SYNDIG1L: variants seen among roughly 807,000 people sequenced by gnomAD.
The protein encoded by SYNDIG1L is synapse differentiation inducing 1 like.
SYNDIG1L carries 13 observed loss-of-function variants against 20.1 expected under a neutral mutation model. The observed-to-expected ratio is 0.65, with a 90% CI of 0.42 to 1.03. The LOEUF (loss-of-function observed/expected upper bound fraction) is 1.03. Ranked by LOEUF, SYNDIG1L falls within the 50% of genes least tolerant of loss-of-function variation. The pLI, the probability that SYNDIG1L is intolerant of heterozygous loss-of-function variation, is 0.00. For missense variants in SYNDIG1L, 294 were observed against 305.1 expected, an observed-to-expected ratio of 0.96 and a Z score of 0.27; for synonymous variants, 128 against 129.3, an observed-to-expected ratio of 0.99 and a Z score of 0.07.
chr14:74,429,366 C>A (rs530457110), upstream of SYNDIG1L, among the ~76,000 whole-genome samples: 3 of 152,212 alleles, frequency 2.0e-5, no homozygotes, highest in South Asian at 2.1e-4. Context: ...GAGTCAGCTC[C>A]GGCTGCTAAT....
chr14:74,448,679 G>A, the SYNDIG1L span, among the ~76,000 whole-genome samples: 2 of 152,282 alleles, frequency 1.3e-5, no homozygotes, highest in African/African-American at 4.8e-5. Flanking sequence ...CATATAAAGT[G>A]TGTTCTCTGA....
At chr14:74,458,649 A>G in the SYNDIG1L span, among the ~76,000 whole-genome samples, 1 of 151,002 alleles carries the variant, frequency 6.6e-6, no homozygotes, top group African/African-American at 2.5e-5. Flanking sequence ...AGTGCTGTGC[A>G]AATACTAGTT....
chr14:74,448,089 A>G, the SYNDIG1L span, among the ~76,000 whole-genome samples: 10 of 152,158 alleles, frequency 6.6e-5, no homozygotes, highest in African/African-American at 2.4e-4. Flanking sequence ...AGAAGAGAAG[A>G]AAAGGGAATA....
At chr14:74,436,623 C>T in the SYNDIG1L span, among the ~76,000 whole-genome samples, 5 of 151,728 alleles carry the variant, frequency 3.3e-5, no homozygotes, top group Admixed American at 1.3e-4. Flanking sequence ...CCGAGGCGGG[C>T]GGATCTTCTG....
At chr14:74,464,941 C>T in the SYNDIG1L span, among the ~76,000 whole-genome samples, 5 of 152,220 alleles carry the variant, frequency 3.3e-5, no homozygotes, top group Non-Finnish European at 7.3e-5. Context: ...CCCCGCACCC[C>T]ACCCTTCCAT....
chr14:74,433,748 G>GA, the SYNDIG1L span, among the ~76,000 whole-genome samples: 1 of 152,142 alleles, frequency 6.6e-6, no homozygotes, highest in Non-Finnish European at 1.5e-5. Context: ...ATGCAGATGT[G>GA]AAAACTGGGA....
At chr14:74,414,780 TAAC>T (rs2086161502) in intron 1 of SYNDIG1L, among the ~76,000 whole-genome samples, 1 of 152,136 alleles carries the variant, frequency 6.6e-6, no homozygotes, top group African/African-American at 2.4e-5. Flanking sequence ...GGTAATAGAA[TAAC>T]AACAGGATAG....
In SYNDIG1L at chr14:74,413,856, G is replaced by GCTGCAT. The variant is rs146286126; in HGVS notation, c.-57-4061_-57-4056dup. Among the ~76,000 whole-genome samples, 635 of 152,198 alleles carry GCTGCAT rather than the reference G, an allele frequency of 4.2e-3. 9 individuals carry two copies. The highest frequency in any genetic ancestry group is 0.015 in the African/African-American group (607 of 41,530). On this transcript the variant is annotated intron_variant, in intron 1 of 3. Transcript: ENST00000331628. The stretch of plus-strand genomic sequence containing the variant: ...CATAAAGCAATCTGAGTTAGCAGCA[G>GCTGCAT]CTGCATCTGCTCACAGTCCAGCCAA...
chr14:74,440,843 A>G, the SYNDIG1L span, among the ~76,000 whole-genome samples: 18 of 152,228 alleles, frequency 1.2e-4, no homozygotes, highest in Non-Finnish European at 8.8e-5. Flanking sequence ...GCACATAGAT[A>G]TAGCTGTTTG....
At chr14:74,468,744 C>T in the SYNDIG1L span, among the ~76,000 whole-genome samples, 1 of 152,294 alleles carries the variant, frequency 6.6e-6, no homozygotes, top group African/African-American at 2.4e-5. Flanking sequence ...ATCCCACACA[C>T]CAGTCTTGTA....
At chr14:74,419,052 C>T (rs2086200330) in intron 1 of SYNDIG1L, among the ~76,000 whole-genome samples, 1 of 152,152 alleles carries the variant, frequency 6.6e-6, no homozygotes, top group Non-Finnish European at 1.5e-5. Flanking sequence ...TGCCATTCCC[C>T]CTTTCGGCTC....
chr14:74,430,440 C>CTTT (rs59843281), upstream of SYNDIG1L, among the ~76,000 whole-genome samples: 1 of 147,130 alleles, frequency 6.8e-6, no homozygotes, highest in Non-Finnish European at 1.5e-5. Flanking sequence ...AATACGCATT[C>CTTT]TTTTTTTTTT....
At chr14:74,427,413 T>G (rs2086275164), upstream of SYNDIG1L, among the ~76,000 whole-genome samples, 1 of 152,038 alleles carries the variant, frequency 6.6e-6, no homozygotes, top group Admixed American at 6.6e-5. Context: ...CATGGTGGAC[T>G]CCAGGACTCC....
At chr14:74,427,172 A>G (rs1294675243), upstream of SYNDIG1L, among the ~76,000 whole-genome samples, 1 of 128,248 alleles carries the variant, frequency 7.8e-6, no homozygotes, top group African/African-American at 3.1e-5. Flanking sequence ...TTACCAGTGG[A>G]TGAACCTATT....
chr14:74,442,803 G>A, the SYNDIG1L span, among the ~76,000 whole-genome samples: 146 of 152,328 alleles, frequency 9.6e-4, no homozygotes, highest in Non-Finnish European at 1.9e-3. Flanking sequence ...GATTTTGTAA[G>A]AGATTAGATG....
the SYNDIG1L span, among the ~76,000 whole-genome samples, chr14:74,476,027 C>A: frequency 9.1e-4 from 139 of 152,322 alleles, 1 homozygote; most frequent in African/African-American, 3.2e-3. Flanking sequence ...GTAAAAAAAT[C>A]ATCTTACCAC....
chr14:74,432,231 C>T, the SYNDIG1L span, among the ~76,000 whole-genome samples: 1 of 151,378 alleles, frequency 6.6e-6, no homozygotes, highest in Non-Finnish European at 1.5e-5. Flanking sequence ...CCAATGAGGC[C>T]ACACTACTTG....
At chr14:74,470,156 T>C in the SYNDIG1L span, among the ~76,000 whole-genome samples, 1 of 152,266 alleles carries the variant, frequency 6.6e-6, no homozygotes, top group South Asian at 2.1e-4. Context: ...CTCTGTGCCC[T>C]TGGCCTTCTA....
chr14:74,467,291 G>A, the SYNDIG1L span, among the ~76,000 whole-genome samples: 11 of 152,056 alleles, frequency 7.2e-5, no homozygotes, highest in Admixed American at 7.2e-4. Context: ...AGAAGCTTGA[G>A]TGTCGCCCAC....
Sources: allele counts gnomAD v4.1 joint callset (sites outside exome capture counted in the v4.1 genomes callset), GRCh38; gene constraint gnomAD v4.1.1; transcripts MANE v1.5; gene names NCBI Gene and HGNC (gene_info 2026-07-23, HGNC 2026-07-21).